The following IRAG2 variants were observed in gnomAD, a reference collection of about 807,000 sequenced individuals.
IRAG2 encodes the protein inositol 1,4,5-triphosphate receptor associated 2.
In IRAG2, 45 loss-of-function variants were observed where a neutral mutation model predicts 69.9. The observed-to-expected ratio is 0.64, with a 90% CI of 0.51 to 0.83. IRAG2 has a LOEUF of 0.83. Ranked by LOEUF, IRAG2 falls within the 40% of genes least tolerant of loss-of-function variation. The probability of loss-of-function intolerance (pLI) is 0.00; values close to 1 mark genes in which losing one functional copy is unlikely to be tolerated. For missense variants in IRAG2, 520 were observed against 587.0 expected, an observed-to-expected ratio of 0.89 and a Z score of 1.18; for synonymous variants, 193 against 202.4, an observed-to-expected ratio of 0.95 and a Z score of 0.40.
rs556066018 is a variant in IRAG2, at chr12:25,027,060, A to T, written c.1461+194A>T. Among the ~76,000 whole-genome samples, 4 of 150,718 alleles carry T rather than the reference A, an allele frequency of 2.7e-5. No individual in the cohort carries two copies. In the East Asian group the frequency reaches 7.8e-4, roughly 29 times the overall value. On this transcript the variant is annotated intron_variant, in intron 9 of 38. Coordinates refer to the IRAG2 transcript ENST00000636465. ...TTTTTTTTTGGCAACTGCTTTACTG[A>T]TATGTAATTCACATGCCTTAAATTT...
At chr12:25,056,870 AT>A (rs1415335788) in intron 1 of IRAG2, among the ~76,000 whole-genome samples, 6 of 152,192 alleles carry the variant, frequency 3.9e-5, no homozygotes, top group African/African-American at 1.4e-4. Context: ...GAAAATTAAA[AT>A]AAGTGTCTGC....
At chr12:25,093,034 T>C (rs777449879) in intron 14 of IRAG2, 4 of 153,028 alleles carry the variant, frequency 2.6e-5, no homozygotes, top group Admixed American at 6.5e-5. Flanking sequence ...TCTGGACTTT[T>C]TAAGCATTTT....
At chr12:25,052,355 G>A, upstream of IRAG2, 1 of 398,730 alleles carries the variant, frequency 2.5e-6, no homozygotes, top group Non-Finnish European at 4.4e-6. Context: ...AGCAGGTAGG[G>A]TGGCTCATGG....
chr12:25,102,545 C>T (rs922822111), intron 17 of IRAG2: 2 of 342,696 alleles, frequency 5.8e-6, no homozygotes, highest in Admixed American at 4.6e-5. Flanking sequence ...GATCAGCCTC[C>T]TCCTTTCGTG....
intron 15 of IRAG2, among the ~76,000 whole-genome samples, chr12:25,100,016 A>AAAAAAAAAAAAAAAAAAAAAG: frequency 6.7e-6 from 1 of 150,288 alleles, no homozygotes; most frequent in Admixed American, 6.6e-5. Flanking sequence ...AAAAAAAAAA[A>AAAAAAAAAAAAAAAAAAAAAG]AAAAAAAAAT....
rs75374571 is a variant in IRAG2 at position 25,014,363 on chromosome 12, C to T, written c.897-819C>T. ...ACTCAGAAATGGGGATAGGTGTGAA[C>T]ACGAGAATAGTCAGAACTCTGTGTG... On this transcript the variant is annotated intron_variant, in intron 3 of 38. Coordinates refer to the IRAG2 transcript ENST00000636465. Among the ~76,000 whole-genome samples, 382 of 152,228 alleles carry T rather than the reference C, an allele frequency of 2.5e-3. 1 individual carries two copies. Among genetic ancestry groups the T allele is most frequent in the African/African-American group, 8.5e-3 (352 of 41,510 alleles).
At chr12:25,016,195 CAA>C (rs35079588) in intron 5 of IRAG2, among the ~76,000 whole-genome samples, 1 of 142,186 alleles carries the variant, frequency 7.0e-6, no homozygotes. Context: ...GACTCCATCT[CAA>C]AAAAAAAAAA....
At chr12:25,020,712 T>TG in intron 6 of IRAG2, 2 of 612,232 alleles carry the variant, frequency 3.3e-6, no homozygotes, top group Non-Finnish European at 4.7e-6. Context: ...GGGTCCAAAA[T>TG]AGTCCTTGGC....
rs941140839 is a variant in IRAG2, at chr12:25,105,075, T to G, written c.1148+613T>G. On this transcript the variant is annotated intron_variant, in intron 20 of 21. Transcript: ENST00000556887. ...GCCTAACCTTACTTGGTCTCAGTTT[T>G]TTTTTTTTTTTTTTTTTTTGAGACG... 1.2e-4 allele frequency among the ~76,000 whole-genome samples: 17 copies of G among 141,430 alleles called. 1 individual carries two copies. The highest frequency in any genetic ancestry group is 4.6e-4 in the African/African-American group (17 of 37,352). 92.8% of individuals were successfully genotyped at this position (141,430 alleles called of 152,430 possible).
At chr12:25,048,509 C>T (rs1220080941), upstream of IRAG2, among the ~76,000 whole-genome samples, 1 of 152,086 alleles carries the variant, frequency 6.6e-6, no homozygotes, top group African/African-American at 2.4e-5. Context: ...GTTGGCCAGG[C>T]TGGTCTCAAA....
chr12:25,085,035 C>A (rs954732320), intron 10 of IRAG2, among the ~76,000 whole-genome samples: 18 of 152,246 alleles, frequency 1.2e-4, no homozygotes, highest in African/African-American at 4.3e-4. Flanking sequence ...TTGGGCTCTG[C>A]CCCCTGGCAG....
At chr12:25,041,010 T>G (rs968653055) in intron 16 of IRAG2, among the ~76,000 whole-genome samples, 1 of 152,138 alleles carries the variant, frequency 6.6e-6, no homozygotes, top group Non-Finnish European at 1.5e-5. Context: ...TTAGAGAGAA[T>G]AGCCAGGAAA....
rs757685413 is a variant in IRAG2, at chr12:25,020,386, C to T, written c.1215-404C>T. Among the ~76,000 whole-genome samples the T allele has an allele frequency of 2.6e-5, 4 of 152,168 alleles. No individual in the cohort carries two copies. The East Asian group carries it at 7.7e-4, about 29-fold the overall frequency. ...GCTCTATAAGGCCAAGGACCATGTC[C>T]CTTTTGTTCACCATTGTAGCCTGCA... is the stretch of plus-strand genomic sequence containing the variant. On this transcript the variant is annotated intron_variant, in intron 6 of 38. Transcript: ENST00000636465.
chr12:25,089,883 C>CTT, intron 13 of IRAG2, 93 bp downstream of exon 13: 1 of 1,375,898 alleles, frequency 7.3e-7, no homozygotes, highest in South Asian at 1.2e-5. Context: ...CTCTCATATG[C>CTT]TCGGTGTCTG....
chr12:25,042,701 G>A (rs1190957622), intron 16 of IRAG2, among the ~76,000 whole-genome samples: 2 of 151,798 alleles, frequency 1.3e-5, no homozygotes, highest in Admixed American at 6.6e-5. Context: ...TCTTGACCTC[G>A]TGATCCACCT....
intron 15 of IRAG2, chr12:25,097,267 G>C (rs1948476522): frequency 2.4e-6 from 1 of 424,856 alleles, no homozygotes. Context: ...TAAAATTTTT[G>C]TGATATATTC....
chr12:25,033,514 T>C (rs571120651), intron 12 of IRAG2, among the ~76,000 whole-genome samples: 2 of 152,298 alleles, frequency 1.3e-5, no homozygotes, highest in South Asian at 4.1e-4. Flanking sequence ...AATTGTGACA[T>C]CAAAACGGTA....
At chr12:25,038,869 C>T (rs562281721) in intron 16 of IRAG2, among the ~76,000 whole-genome samples, 1 of 152,308 alleles carries the variant, frequency 6.6e-6, no homozygotes, top group African/African-American at 2.4e-5. Context: ...GTTGGCTCCT[C>T]CCCACTGGGT....
At chr12:25,064,909 G>A (rs1053367001) in intron 4 of IRAG2, among the ~76,000 whole-genome samples, 82 of 152,238 alleles carry the variant, frequency 5.4e-4, no homozygotes, top group African/African-American at 2.0e-3. Context: ...GGCCAATATG[G>A]TGAAACCTCG....
Sources: gnomAD v4.1 joint callset for allele counts (sites outside exome capture counted in the v4.1 genomes callset) on GRCh38, gnomAD v4.1.1 for gene constraint, MANE v1.5 for transcripts, NCBI Gene and HGNC (gene_info 2026-07-23, HGNC 2026-07-21) for gene names.